The following ERH variants were observed in gnomAD, a reference collection of about 807,000 sequenced individuals.
The protein encoded by ERH is ERH mRNA splicing and mitosis factor.
Under a neutral mutation model 16.8 loss-of-function variants are expected in ERH, and 1 was observed. The observed-to-expected ratio is 0.06, with a 90% CI of 0.02 to 0.28. The LOEUF is 0.28. ERH is among the 10% of genes least tolerant of loss of function. The pLI is 1.00. For synonymous variants in ERH, 43 were observed against 43.6 expected (o/e 0.99, Z 0.05); for missense variants, 42 against 127.5 (o/e 0.33, Z 3.23).
intron 2 of ERH, among the ~76,000 whole-genome samples, chr14:69,390,725 G>A (rs1429604744): frequency 2.6e-5 from 4 of 152,196 alleles, no homozygotes; most frequent in Non-Finnish European, 5.9e-5. Flanking sequence ...TTAAGAAAGT[G>A]AGAAGACACC....
chr14:69,383,780 T>G (rs552788465), intron 3 of ERH, among the ~76,000 whole-genome samples: 1 of 152,224 alleles, frequency 6.6e-6, no homozygotes, highest in Non-Finnish European at 1.5e-5. Flanking sequence ...TTTCCCCCTA[T>G]GTTGCTTTAA....
chr14:69,398,273 C>T lies in ERH; in HGVS notation c.-40G>A. 6.2e-7 allele frequency: 1 copy of T among 1,613,784 alleles called. No homozygotes were observed. Among genetic ancestry groups the T allele is most frequent in the Non-Finnish European group, 8.5e-7 (1 of 1,179,920 alleles). ...TTCGCTACAGCAGCTGCCGACACCGCCGCCGTTACACGAGCTTAACTACAA... is the reference window on the plus strand; with the variant it reads ...TTCGCTACAGCAGCTGCCGACACCGTCGCCGTTACACGAGCTTAACTACAA... On this transcript the variant is annotated 5_prime_UTR_variant, in exon 1 of 4. Coordinates refer to ENST00000557016, the MANE Select transcript of ERH (RefSeq NM_004450.3).
At chr14:69,393,250 G>C (rs1405139376) in intron 2 of ERH, among the ~76,000 whole-genome samples, 1 of 152,226 alleles carries the variant, frequency 6.6e-6, no homozygotes, top group Non-Finnish European at 1.5e-5. Context: ...CAAGAAGGCA[G>C]AAGTTGCAGT....
intron 3 of ERH, among the ~76,000 whole-genome samples, chr14:69,383,751 T>TAATAATTA (rs2045876329): frequency 1.3e-5 from 2 of 152,234 alleles, no homozygotes; most frequent in Non-Finnish European, 2.9e-5. Context: ...GGAAGAATTA[T>TAATAATTA]CTAGGTAATA....
chr14:69,393,537 C>A (rs1471818333), intron 2 of ERH, among the ~76,000 whole-genome samples: 1 of 152,146 alleles, frequency 6.6e-6, no homozygotes. Flanking sequence ...AATTGGAGGT[C>A]ATTATCTCAA....
chr14:69,397,760 A>T (rs889158461), intron 1 of ERH, among the ~76,000 whole-genome samples: 1 of 152,178 alleles, frequency 6.6e-6, no homozygotes, highest in African/African-American at 2.4e-5. Flanking sequence ...CTCTGCTAAA[A>T]TAAAAAAATT....
intron 1 of ERH, among the ~76,000 whole-genome samples, chr14:69,396,314 C>T (rs1471992309): frequency 2.6e-5 from 4 of 152,230 alleles, no homozygotes; most frequent in Admixed American, 6.5e-5. Context: ...CAGGCTGGAG[C>T]GCAAAGGCGC....
intron 2 of ERH, among the ~76,000 whole-genome samples, chr14:69,388,308 T>C (rs1357328427): frequency 1.3e-5 from 2 of 152,152 alleles, no homozygotes; most frequent in African/African-American, 2.4e-5. Context: ...ACATTACTAA[T>C]TATAATTAGC....
At chr14:69,395,731 A>G (rs909181824) in intron 1 of ERH, among the ~76,000 whole-genome samples, 1 of 152,204 alleles carries the variant, frequency 6.6e-6, no homozygotes, top group Non-Finnish European at 1.5e-5. Flanking sequence ...AGCAATATAA[A>G]CATATCATAA....
Position 69,394,874 on chromosome 14 carries a change from T to C in ERH, c.42A>G (p.Pro14=), listed in dbSNP as rs1882298658. The C allele has an allele frequency of 1.2e-6, 2 of 1,613,936 alleles. No homozygotes were observed. Among genetic ancestry groups the C allele is most frequent in the South Asian group, 2.2e-5 (2 of 91,086 alleles). The part of the protein sequence containing the change: ...TILLVQPTKR[P]EGRTYADYES... ...CGTAGTCAGCATAAGTTCTGCCTTC[T>C]GGCCTCTTGGTAGGCTGTACCAGCA... Residue 14 remains proline, a synonymous_variant, in exon 2 of 4, where the codon CCA becomes CCG. Coordinates refer to ENST00000557016, the MANE Select transcript of ERH (RefSeq NM_004450.3).
chr14:69,383,918 AAGG>A (rs2045877506), intron 3 of ERH, among the ~76,000 whole-genome samples: 1 of 152,144 alleles, frequency 6.6e-6, no homozygotes, highest in South Asian at 2.1e-4. Context: ...GAGGCTGAGG[AAGG>A]AGGATCACTT....
At chr14:69,397,632 T>G (rs1243581448) in intron 1 of ERH, among the ~76,000 whole-genome samples, 1 of 152,034 alleles carries the variant, frequency 6.6e-6, no homozygotes, top group Non-Finnish European at 1.5e-5. Flanking sequence ...AAAAATACCA[T>G]ATCCGGCAGG....
intron 1 of ERH, among the ~76,000 whole-genome samples, chr14:69,396,417 A>G (rs1882334552): frequency 6.6e-6 from 1 of 152,134 alleles, no homozygotes; most frequent in African/African-American, 2.4e-5. Context: ...ATGCACCACC[A>G]TGCTCGGCTA....
intron 3 of ERH, among the ~76,000 whole-genome samples, chr14:69,381,161 G>C (rs2045861214): frequency 6.6e-6 from 1 of 152,124 alleles, no homozygotes; most frequent in African/African-American, 2.4e-5. Flanking sequence ...CACGCCTGTA[G>C]TCCTGCCTAC....
intron 3 of ERH, among the ~76,000 whole-genome samples, chr14:69,383,539 G>C (rs1387679106): frequency 6.6e-6 from 1 of 152,188 alleles, no homozygotes; most frequent in African/African-American, 2.4e-5. Flanking sequence ...CATAACCAAA[G>C]TCACCTGGGG....
chr14:69,387,711 A>AAAAAAAAT, intron 2 of ERH, among the ~76,000 whole-genome samples: 1 of 151,106 alleles, frequency 6.6e-6, no homozygotes, highest in South Asian at 2.1e-4. Flanking sequence ...AAAAAAAAAA[A>AAAAAAAAT]TTGGCAACAA....
chr14:69,398,251 G>GCTACAGCAGCTGC lies in ERH; in HGVS notation c.-31_-19dup. The GCTACAGCAGCTGC allele has an allele frequency of 6.2e-7, 1 of 1,613,714 alleles. No individual in the cohort carries two copies. Among genetic ancestry groups the GCTACAGCAGCTGC allele is most frequent in the Non-Finnish European group, 8.5e-7 (1 of 1,179,916 alleles). On this transcript the variant is annotated 5_prime_UTR_variant, in exon 1 of 4. Transcript: ENST00000557016. ...CTCACCATCGCGCCAAACTCTCTTCGCTACAGCAGCTGCCGACACCGCCGC... is the reference window on the plus strand; with the variant it reads ...CTCACCATCGCGCCAAACTCTCTTCGCTACAGCAGCTGCCTACAGCAGCTGCCGACACCGCCGC...
intron 1 of ERH, among the ~76,000 whole-genome samples, chr14:69,395,823 T>G (rs1882320945): frequency 6.6e-6 from 1 of 152,206 alleles, no homozygotes; most frequent in African/African-American, 2.4e-5. Context: ...AAATCACATA[T>G]TAGAATCACA....
intron 3 of ERH, chr14:69,386,550 T>C (rs757764041): frequency 1.3e-5 from 2 of 154,152 alleles, no homozygotes; most frequent in Non-Finnish European, 2.9e-5. Context: ...ATATACGTAC[T>C]TACACAGCGT....
Sources: allele counts gnomAD v4.1 joint callset (sites outside exome capture counted in the v4.1 genomes callset), GRCh38; gene constraint gnomAD v4.1.1; transcripts MANE v1.5; gene names NCBI Gene and HGNC (gene_info 2026-07-23, HGNC 2026-07-21).